The following DEK variants were observed in gnomAD, a reference collection of about 807,000 sequenced individuals.
DEK encodes protein DEK.
DEK carries 28 observed loss-of-function variants against 46.8 expected under a neutral mutation model. The ratio of observed to expected loss-of-function variants is 0.60; its 90% CI spans 0.44 to 0.82. The LOEUF is 0.82. DEK is among the 40% of genes least tolerant of loss of function. The pLI is 0.00. For synonymous variants in DEK, 160 were observed against 144.5 expected (o/e 1.11, Z -0.77); for missense variants, 416 against 430.6 (o/e 0.97, Z 0.30).
intron 8 of DEK, 28 bp downstream of exon 8, chr6:18,237,353 T>G: frequency 6.3e-7 from 1 of 1,578,424 alleles, no homozygotes; most frequent in Non-Finnish European, 8.5e-7. Context: ...ATCTTTAAAG[T>G]TGCTGATTAA....
intron 9 of DEK, among the ~76,000 whole-genome samples, chr6:18,230,490 T>C (rs1329586763): frequency 6.6e-6 from 1 of 152,116 alleles, no homozygotes; most frequent in Non-Finnish European, 1.5e-5. Flanking sequence ...ACCCATCTCA[T>C]GTGCAGAGAC....
intron 9 of DEK, among the ~76,000 whole-genome samples, chr6:18,231,425 C>G (rs1426365826): frequency 6.6e-6 from 1 of 152,202 alleles, no homozygotes; most frequent in South Asian, 2.1e-4. Context: ...AGCAATTAAT[C>G]CAGGAGCTGG....
intron 6 of DEK, among the ~76,000 whole-genome samples, chr6:18,253,680 C>G (rs1467727216): frequency 6.6e-6 from 1 of 152,128 alleles, no homozygotes; most frequent in Non-Finnish European, 1.5e-5. Context: ...TCTAAAAAGA[C>G]TTTAAAAATA....
At chr6:18,258,451 T>G (rs779808131) in intron 2 of DEK, 46 bp from the exon 3 acceptor site, 1 of 1,422,828 alleles carries the variant, frequency 7.0e-7, no homozygotes, top group Non-Finnish European at 9.8e-7. Flanking sequence ...AGCTTAAACA[T>G]TGTATTAACT....
At chr6:18,262,440 GAA>G (rs1200909444) in intron 2 of DEK, among the ~76,000 whole-genome samples, 3 of 152,156 alleles carry the variant, frequency 2.0e-5, no homozygotes, top group Admixed American at 6.5e-5. Flanking sequence ...TTAGTAAAAA[GAA>G]TAATAAATCA....
intron 2 of DEK, among the ~76,000 whole-genome samples, chr6:18,263,457 T>C (rs952802913): frequency 1.3e-5 from 2 of 151,560 alleles, no homozygotes; most frequent in African/African-American, 4.8e-5. Context: ...GCAAAAGATG[T>C]GTAATGAAAA....
At position 18,237,528 on chromosome 6, in the gene DEK, GAA is replaced by G. The variant is rs1790709901; in HGVS notation, c.763-14_763-13del. The G allele has an allele frequency of 6.3e-7, 1 of 1,596,272 alleles. No homozygotes were observed. Among genetic ancestry groups the G allele is most frequent in the Non-Finnish European group, 8.5e-7 (1 of 1,175,194 alleles). ...GTCTTTTTTGGTGGCTGTTACAAAA[GAA>G]AGTAAAAGTACACATATTGATGAGA... On this transcript the variant is annotated splice_polypyrimidine_tract_variant and intron_variant, in intron 7 of 10. Transcript: ENST00000652689.
intron 7 of DEK, among the ~76,000 whole-genome samples, chr6:18,246,692 A>G (rs1435343182): frequency 2.0e-5 from 3 of 152,262 alleles, no homozygotes; most frequent in Non-Finnish European, 4.4e-5. Context: ...ACCTCATATA[A>G]TTAGCCAAAG....
chr6:18,236,149 T>A (rs1790637325), intron 9 of DEK, among the ~76,000 whole-genome samples: 1 of 152,186 alleles, frequency 6.6e-6, no homozygotes, highest in Non-Finnish European at 1.5e-5. Context: ...AAACTAAGGA[T>A]ACATCAATAG....
At chr6:18,263,213 GAC>G (rs1432561940) in intron 2 of DEK, among the ~76,000 whole-genome samples, 1 of 152,136 alleles carries the variant, frequency 6.6e-6, no homozygotes, top group Non-Finnish European at 1.5e-5. Flanking sequence ...CCTTAAAACA[GAC>G]ACAGGTTCGA....
chr6:18,233,862 TTA>T (rs1790524162), intron 9 of DEK, among the ~76,000 whole-genome samples: 1 of 152,182 alleles, frequency 6.6e-6, no homozygotes, highest in Non-Finnish European at 1.5e-5. Context: ...ACCCAAAGGA[TTA>T]TAAATCATGC....
At chr6:18,239,002 G>A (rs972758104) in intron 7 of DEK, among the ~76,000 whole-genome samples, 6 of 151,874 alleles carry the variant, frequency 4.0e-5, no homozygotes, top group African/African-American at 9.7e-5. Context: ...TCGGCTCACC[G>A]CAACCTCTGC....
At chr6:18,256,909 A>T (rs1791619709) in intron 4 of DEK, among the ~76,000 whole-genome samples, 1 of 152,226 alleles carries the variant, frequency 6.6e-6, no homozygotes, top group Non-Finnish European at 1.5e-5. Flanking sequence ...ACCGTTCACT[A>T]GTTATGGGAC....
At chr6:18,226,118 GT>G in intron 10 of DEK, 55 bp downstream of exon 10, 1 of 1,180,884 alleles carries the variant, frequency 8.5e-7, no homozygotes, top group African/African-American at 1.6e-5. Flanking sequence ...AGTATTTTAT[GT>G]AATTACTTTT....
At chr6:18,246,258 T>G (rs1791112492) in intron 7 of DEK, among the ~76,000 whole-genome samples, 1 of 152,202 alleles carries the variant, frequency 6.6e-6, no homozygotes. Context: ...CATCCACCAC[T>G]TCCTTCCCAA....
chr6:18,263,880 C>T lies in DEK; in HGVS notation c.108G>A (p.Glu36=), dbSNP rs201415556. The T allele has an allele frequency of 1.9e-6, 3 of 1,612,974 alleles. No homozygotes were observed. The highest frequency in any genetic ancestry group is 2.2e-5 in the South Asian group (2 of 90,878). The change falls in exon 2 of 11, where the codon GAG becomes GAA. Residue 36 remains glutamate, a synonymous_variant. Coordinates refer to ENST00000652689, the MANE Select transcript of DEK (RefSeq NM_003472.4). ...PGPREESEEE[E]DEDDEEEEEE... is the part of the protein sequence containing the mutation. ...CCTCCTCCTCCTCGTCGTCCTCGTC[C>T]TCTTCCTCCTCGCTCTCCTCTCTGG...
chr6:18,248,502 T>C (rs1791222871), intron 7 of DEK, among the ~76,000 whole-genome samples: 1 of 152,180 alleles, frequency 6.6e-6, no homozygotes, highest in Non-Finnish European at 1.5e-5. Flanking sequence ...AATGCTCAGA[T>C]TACTTATTTT....
At chr6:18,260,538 A>G (rs958200848) in intron 2 of DEK, among the ~76,000 whole-genome samples, 2 of 152,204 alleles carry the variant, frequency 1.3e-5, no homozygotes, top group African/African-American at 4.8e-5. Flanking sequence ...CAAAGACAGA[A>G]ACCTAAGAGT....
intron 6 of DEK, among the ~76,000 whole-genome samples, chr6:18,250,106 A>G (rs972336867): frequency 9.2e-5 from 14 of 152,210 alleles, no homozygotes; most frequent in Non-Finnish European, 2.1e-4. Context: ...CTAGAAGCTC[A>G]AGACACATTA....
Sources: gnomAD v4.1 joint callset for allele counts (sites outside exome capture counted in the v4.1 genomes callset) on GRCh38, gnomAD v4.1.1 for gene constraint, MANE v1.5 for transcripts, NCBI Gene and HGNC (gene_info 2026-07-23, HGNC 2026-07-21) for gene names.